CACNA2D1: variants seen among roughly 807,000 people sequenced by gnomAD.
The protein encoded by CACNA2D1 is voltage-dependent calcium channel subunit alpha-2/delta-1.
A neutral mutation model predicts 171.5 loss-of-function variants in CACNA2D1; 53 were observed. That is an observed-to-expected ratio of 0.31 (90% CI 0.25 to 0.39). The LOEUF (loss-of-function observed/expected upper bound fraction) is 0.39. Ranked by LOEUF, CACNA2D1 falls within the 10% of genes least tolerant of loss-of-function variation. The pLI, the probability that CACNA2D1 is intolerant of heterozygous loss-of-function variation, is 1.00. For missense variants in CACNA2D1, 903 were observed against 1,299.8 expected (o/e 0.69, Z 4.69); for synonymous variants, 442 against 443.1 (o/e 1.00, Z 0.03).
chr7:82,046,015 C>A (rs1804512973), intron 10 of CACNA2D1, among the ~76,000 whole-genome samples: 2 of 152,144 alleles, frequency 1.3e-5, no homozygotes, highest in Admixed American at 6.6e-5. Flanking sequence ...CAACTGTCTT[C>A]CTACTGCAGT....
intron 1 of CACNA2D1, among the ~76,000 whole-genome samples, chr7:82,406,307 G>A (rs1466437921): frequency 6.6e-6 from 1 of 152,162 alleles, no homozygotes; most frequent in African/African-American, 2.4e-5. Flanking sequence ...GGACATTTGG[G>A]TTGGTTCCAA....
chr7:82,421,257 A>C (rs1828691005), intron 1 of CACNA2D1, among the ~76,000 whole-genome samples: 1 of 152,208 alleles, frequency 6.6e-6, no homozygotes, highest in Non-Finnish European at 1.5e-5. Flanking sequence ...GACATTGGTA[A>C]GCAAACTTTC....
intron 3 of CACNA2D1, among the ~76,000 whole-genome samples, chr7:82,285,260 C>T (rs1370492202): frequency 6.6e-6 from 1 of 152,032 alleles, no homozygotes; most frequent in East Asian, 1.9e-4. Context: ...TCAAGGGCTG[C>T]CCAATAAAAC....
intron 24 of CACNA2D1, among the ~76,000 whole-genome samples, chr7:81,982,232 T>C (rs900655114): frequency 5.3e-5 from 8 of 151,882 alleles, no homozygotes; most frequent in African/African-American, 1.9e-4. Context: ...TGGGTTCAAG[T>C]GATTCTCCTG....
chr7:82,372,412 TA>T (rs1400409248), intron 1 of CACNA2D1, among the ~76,000 whole-genome samples: 1 of 152,126 alleles, frequency 6.6e-6, no homozygotes, highest in Admixed American at 6.6e-5. Context: ...AACTACCAGG[TA>T]ATTTTAACAT....
intron 6 of CACNA2D1, among the ~76,000 whole-genome samples, chr7:82,086,139 T>G (rs1810462441): frequency 6.6e-6 from 1 of 152,188 alleles, no homozygotes; most frequent in Admixed American, 6.5e-5. Flanking sequence ...GTCTTTCTAT[T>G]TTTTTCTGTG....
rs188583463 is a variant in CACNA2D1 at position 82,243,574 on chromosome 7, G to A, written c.295-72965C>T. ...AATACTTGTTATTTGACAAGCAAAC[G>A]TGTTTTTGTTTTGGTTTTTACACAT... On this transcript the variant is annotated intron_variant, in intron 3 of 38. Coordinates refer to ENST00000356860, the MANE Select transcript of CACNA2D1 (RefSeq NM_000722.4). Among the ~76,000 whole-genome samples, 11 of 152,166 alleles carry A rather than the reference G, an allele frequency of 7.2e-5. No homozygotes were observed. In the East Asian group the frequency reaches 1.5e-3, roughly 21 times the overall value.
At chr7:82,106,954 G>T (rs1787832357) in intron 6 of CACNA2D1, among the ~76,000 whole-genome samples, 2 of 152,144 alleles carry the variant, frequency 1.3e-5, no homozygotes, top group Admixed American at 1.3e-4. Context: ...AAAACTTGAA[G>T]TACTCTTAAC....
At chr7:82,253,388 G>C (rs755508717) in intron 3 of CACNA2D1, among the ~76,000 whole-genome samples, 1 of 152,146 alleles carries the variant, frequency 6.6e-6, no homozygotes, top group Non-Finnish European at 1.5e-5. Context: ...TACTGAAAAG[G>C]AGATCCATGA....
intron 3 of CACNA2D1, among the ~76,000 whole-genome samples, chr7:82,283,515 T>TA (rs1157334948): frequency 1.3e-5 from 2 of 152,176 alleles, no homozygotes; most frequent in African/African-American, 2.4e-5. Flanking sequence ...CAATTTCATA[T>TA]GGAGATTAAA....
intron 10 of CACNA2D1, among the ~76,000 whole-genome samples, chr7:82,056,911 A>G (rs572219031): frequency 6.6e-6 from 1 of 151,730 alleles, no homozygotes; most frequent in East Asian, 1.9e-4. Flanking sequence ...TAGTACAGGG[A>G]GTCCAATAAT....
chr7:81,951,100 T>C (rs1196101104), intron 38 of CACNA2D1, among the ~76,000 whole-genome samples: 3 of 152,050 alleles, frequency 2.0e-5, no homozygotes, highest in African/African-American at 4.8e-5. Context: ...CATATAGGAT[T>C]TTGCTTTGCA....
chr7:82,137,581 T>C (rs1351510663), intron 4 of CACNA2D1, among the ~76,000 whole-genome samples: 3 of 151,878 alleles, frequency 2.0e-5, no homozygotes, highest in East Asian at 3.9e-4. Flanking sequence ...ATAGATGCTG[T>C]AAAATTTTAG....
chr7:82,236,041 T>G (rs184851441), intron 3 of CACNA2D1, among the ~76,000 whole-genome samples: 11 of 152,184 alleles, frequency 7.2e-5, no homozygotes, highest in Non-Finnish European at 1.3e-4. Flanking sequence ...CATATTCTTA[T>G]GTGAAAAGCC....
chr7:81,992,639 G>GT (rs1250703567), intron 20 of CACNA2D1, among the ~76,000 whole-genome samples: 1 of 152,274 alleles, frequency 6.6e-6, no homozygotes, highest in South Asian at 2.1e-4. Context: ...AAATAAAAAT[G>GT]TAAGTTTTTT....
intron 1 of CACNA2D1, among the ~76,000 whole-genome samples, chr7:82,351,134 A>T (rs1031245371): frequency 2.0e-5 from 3 of 152,204 alleles, no homozygotes; most frequent in South Asian, 2.1e-4. Flanking sequence ...AGAATGCTAG[A>T]TGATTTATAT....
chr7:81,981,954 A>C (rs1796481450), intron 24 of CACNA2D1, among the ~76,000 whole-genome samples: 1 of 152,184 alleles, frequency 6.6e-6, no homozygotes. Flanking sequence ...GTGTATAGAT[A>C]CACATAAATA....
At chr7:82,392,661 G>A (rs1007171980) in intron 1 of CACNA2D1, among the ~76,000 whole-genome samples, 3 of 152,266 alleles carry the variant, frequency 2.0e-5, no homozygotes, top group African/African-American at 4.8e-5. Flanking sequence ...AAGTGGCCAC[G>A]AAAAATCCTG....
intron 4 of CACNA2D1, among the ~76,000 whole-genome samples, chr7:82,151,931 TAGA>T (rs1431389562): frequency 1.3e-5 from 2 of 152,188 alleles, no homozygotes; most frequent in East Asian, 1.9e-4. Context: ...TCTACAAAAC[TAGA>T]AGGAGGTATT....
Sources: allele counts gnomAD v4.1 joint callset (sites outside exome capture counted in the v4.1 genomes callset), GRCh38; gene constraint gnomAD v4.1.1; transcripts MANE v1.5; gene names NCBI Gene and HGNC (gene_info 2026-07-23, HGNC 2026-07-21).